NALCN: variants seen among roughly 807,000 people sequenced by gnomAD.
NALCN encodes sodium leak channel NALCN.
Under a neutral mutation model 225.3 loss-of-function variants are expected in NALCN, and 111 were observed. The observed-to-expected ratio is 0.49, with a 90% confidence interval of 0.42 to 0.58. The LOEUF (loss-of-function observed/expected upper bound fraction) is 0.58, where lower values mean the gene tolerates loss of function less well. NALCN is among the 20% of genes least tolerant of loss of function. NALCN has a pLI of 0.00. For missense variants in NALCN, 1,378 were observed against 2,202.4 expected (o/e 0.63, Z 7.49); for synonymous variants, 764 against 769.0 (o/e 0.99, Z 0.11).
intron 15 of NALCN, among the ~76,000 whole-genome samples, chr13:101,146,393 TATG>T (rs1205598848): frequency 6.6e-6 from 1 of 152,192 alleles, no homozygotes; most frequent in African/African-American, 2.4e-5. Flanking sequence ...GTTCCATGGT[TATG>T]ATGATGACAA....
intron 30 of NALCN, among the ~76,000 whole-genome samples, chr13:101,087,240 C>T (rs1320002960): frequency 6.6e-6 from 1 of 152,022 alleles, no homozygotes; most frequent in African/African-American, 2.4e-5. Flanking sequence ...TAAAGATTCC[C>T]TCATTTTCTA....
chr13:101,356,756 T>C (rs569824720), intron 6 of NALCN, among the ~76,000 whole-genome samples: 151 of 152,256 alleles, frequency 9.9e-4, no homozygotes, highest in Non-Finnish European at 1.7e-3. Flanking sequence ...TTCAGGCCAA[T>C]ATCCCTGATG....
intron 40 of NALCN, 112 bp downstream of exon 40, chr13:101,065,292 G>C: frequency 8.7e-7 from 1 of 1,146,908 alleles, no homozygotes; most frequent in South Asian, 1.4e-5. Context: ...GACCACAGCA[G>C]ATGTGGCATT....
intron 13 of NALCN, among the ~76,000 whole-genome samples, chr13:101,204,065 T>C (rs752947337): frequency 1.2e-4 from 18 of 152,230 alleles, no homozygotes; most frequent in Admixed American, 3.9e-4. Context: ...TGTAGGGTCC[T>C]AGTCTGGGGA....
chr13:101,076,561 GTGTGATTAC>G lies in NALCN; in HGVS notation c.3886-629_3886-621del, dbSNP rs1222516617. Among the ~76,000 whole-genome samples, 3 of 152,348 alleles carry G rather than the reference GTGTGATTAC, an allele frequency of 2.0e-5. No homozygotes were observed. In the East Asian group the frequency reaches 5.8e-4, roughly 29 times the overall value. On this transcript the variant is annotated intron_variant, in intron 34 of 43. Transcript: ENST00000251127. ...ACCTTGACATTCAGCCGATGCCAGAGTGTGATTACTCTCAAGGAGGCTTGCCTAGCCAAA... is the reference window on the plus strand; with the variant it reads ...ACCTTGACATTCAGCCGATGCCAGAGTCTCAAGGAGGCTTGCCTAGCCAAA...
chr13:101,140,614 C>A (rs78448683), intron 17 of NALCN, among the ~76,000 whole-genome samples: 87 of 152,344 alleles, frequency 5.7e-4, no homozygotes, highest in Middle Eastern at 3.4e-3. Flanking sequence ...TTCTAGTCCA[C>A]GCAAACTGCA....
intron 27 of NALCN, among the ~76,000 whole-genome samples, chr13:101,097,269 T>C (rs2034560534): frequency 6.6e-6 from 1 of 152,198 alleles, no homozygotes; most frequent in African/African-American, 2.4e-5. Context: ...ATCCTTCCAG[T>C]CTTTTTTCCT....
At chr13:101,134,214 T>C (rs1204476684) in intron 17 of NALCN, among the ~76,000 whole-genome samples, 1 of 152,144 alleles carries the variant, frequency 6.6e-6, no homozygotes, top group Admixed American at 6.5e-5. Flanking sequence ...TTGTAACTTA[T>C]TTCAATATCA....
chr13:101,074,528 C>T lies in NALCN; in HGVS notation c.4089G>A (p.Gly1363=). 1 of 1,608,996 alleles carries T rather than the reference C, an allele frequency of 6.2e-7. No individual in the cohort carries two copies. Among genetic ancestry groups the T allele is most frequent in the East Asian group, 2.2e-5 (1 of 44,778 alleles). The change falls in exon 36 of 44, where the codon GGG becomes GGA. Residue 1363 remains glycine (G), a synonymous_variant. Coordinates refer to ENST00000251127, the MANE Select transcript of NALCN (RefSeq NM_052867.4). ...GVVLFGTVKY[G]ENINRHANFS... is the part of the protein sequence containing the mutation. ...TATATACCAACCTGTTAATATTCTC[C>T]CCATATTTCACAGTACCAAATAAAA...
chr13:101,174,142 C>T (rs12100090), intron 15 of NALCN, among the ~76,000 whole-genome samples: 24,318 of 152,058 alleles, frequency 0.16, 2,317 homozygotes, highest in East Asian at 0.44. Flanking sequence ...TCAGGTTCAA[C>T]GAGTTTCAAG....
At chr13:101,131,988 T>C (rs2036542873) in intron 17 of NALCN, among the ~76,000 whole-genome samples, 1 of 152,140 alleles carries the variant, frequency 6.6e-6, no homozygotes, top group African/African-American at 2.4e-5. Context: ...ATCACCTCTT[T>C]CCCCCCATTT....
intron 3 of NALCN, among the ~76,000 whole-genome samples, chr13:101,390,445 A>G (rs2047113032): frequency 6.6e-6 from 1 of 152,126 alleles, no homozygotes; most frequent in African/African-American, 2.4e-5. Flanking sequence ...ATGGAAAGAA[A>G]ACAAAGGAAA....
At chr13:101,321,238 A>G (rs1240801200) in intron 7 of NALCN, among the ~76,000 whole-genome samples, 1 of 152,138 alleles carries the variant, frequency 6.6e-6, no homozygotes, top group East Asian at 1.9e-4. Context: ...CAAATATACC[A>G]ATATATGTAA....
chr13:101,339,377 T>C (rs559567146), intron 7 of NALCN, among the ~76,000 whole-genome samples: 46 of 152,294 alleles, frequency 3.0e-4, no homozygotes, highest in African/African-American at 1.1e-3. Flanking sequence ...GAGTGTGTGA[T>C]ATCTTGAGTG....
chr13:101,386,076 T>G (rs1331235249), intron 3 of NALCN, among the ~76,000 whole-genome samples: 2 of 152,164 alleles, frequency 1.3e-5, no homozygotes, highest in African/African-American at 4.8e-5. Context: ...CTGTTATTGT[T>G]GGGCACATAT....
intron 6 of NALCN, among the ~76,000 whole-genome samples, chr13:101,349,909 T>C (rs1344007227): frequency 6.6e-6 from 1 of 152,162 alleles, no homozygotes; most frequent in Admixed American, 6.6e-5. Flanking sequence ...TTCCCTGTCA[T>C]AACAAACAGG....
chr13:101,241,190 T>C (rs2041745247), intron 11 of NALCN, among the ~76,000 whole-genome samples: 1 of 152,232 alleles, frequency 6.6e-6, no homozygotes, highest in Non-Finnish European at 1.5e-5. Context: ...CATCCATCAA[T>C]TTGGCAGTTT....
chr13:101,121,973 A>AG (rs1215442841), intron 18 of NALCN, among the ~76,000 whole-genome samples: 1 of 151,484 alleles, frequency 6.6e-6, no homozygotes, highest in Non-Finnish European at 1.5e-5. Flanking sequence ...TTTTTTAAAA[A>AG]AAATTCTTTT....
intron 42 of NALCN, 177 bp from the exon 43 acceptor site, chr13:101,058,233 C>T: frequency 1.7e-6 from 1 of 587,706 alleles, no homozygotes; most frequent in Non-Finnish European, 3.0e-6. Flanking sequence ...GAAAAAGAGC[C>T]ACCACTGCAC....
Sources: allele counts gnomAD v4.1 joint callset (sites outside exome capture counted in the v4.1 genomes callset), GRCh38; gene constraint gnomAD v4.1.1; transcripts MANE v1.5; gene names NCBI Gene and HGNC (gene_info 2026-07-23, HGNC 2026-07-21).